NCOR2: variants seen among roughly 807,000 people sequenced by gnomAD.
NCOR2 encodes the protein nuclear receptor corepressor 2.
Under a neutral mutation model 262.9 loss-of-function variants are expected in NCOR2, and 81 were observed. The observed-to-expected ratio is 0.31, with a 90% CI of 0.26 to 0.37. The LOEUF is 0.37. Ranked by LOEUF, NCOR2 falls within the 10% of genes least tolerant of loss-of-function variation. The probability of loss-of-function intolerance (pLI) is 1.00; values close to 1 mark genes in which losing one functional copy is unlikely to be tolerated. For synonymous variants in NCOR2, 1,659 were observed against 1,559.3 expected (o/e 1.06, Z -1.51); for missense variants, 3,385 against 3,621.4 (o/e 0.93, Z 1.68).
chr12:124,496,602 C>T (rs992855978), upstream of NCOR2, among the ~76,000 whole-genome samples: 5 of 152,220 alleles, frequency 3.3e-5, no homozygotes, highest in South Asian at 2.1e-4. The surrounding 1 kb of genome is among the most constrained non-coding windows in gnomAD (Gnocchi z 4.4). Flanking sequence ...AGAGGGTAAC[C>T]GTCCTTCTCC....
chr12:124,406,210 G>A (rs954364599), intron 13 of NCOR2, among the ~76,000 whole-genome samples: 13 of 152,178 alleles, frequency 8.5e-5, no homozygotes, highest in Admixed American at 2.0e-4. Flanking sequence ...ATCAACAAAA[G>A]GGCACGGCTG....
intron 1 of NCOR2, among the ~76,000 whole-genome samples, chr12:124,543,231 C>T (rs544288604): frequency 2.6e-5 from 4 of 152,200 alleles, no homozygotes; most frequent in African/African-American, 7.2e-5. Flanking sequence ...GGAGCAACCC[C>T]GTGCCCTGCC....
At chr12:124,347,724 T>C in intron 30 of NCOR2, 101 bp downstream of exon 32, 1 of 1,195,072 alleles carries the variant, frequency 8.4e-7, no homozygotes, top group Non-Finnish European at 1.2e-6. Context: ...TGCATACTTG[T>C]CCTGAGTTCC....
intron 16 of NCOR2, among the ~76,000 whole-genome samples, chr12:124,397,430 C>T (rs969154081): frequency 1.3e-4 from 20 of 152,148 alleles, no homozygotes; most frequent in African/African-American, 3.6e-4. Flanking sequence ...AGAGGGGATC[C>T]GGCTTAGGAG....
chr12:124,385,616 G>C, intron 17 of NCOR2, 129 bp downstream of exon 19: 1 of 1,381,202 alleles, frequency 7.2e-7, no homozygotes, highest in Non-Finnish European at 9.8e-7. Flanking sequence ...CAGAAGCTGA[G>C]TTCTAACAAG....
At position 124,331,063 on chromosome 12, in the gene NCOR2, CT is replaced by C. The variant is rs747884076; in HGVS notation, c.6905-166del. 4.4e-3 allele frequency among the ~76,000 whole-genome samples: 602 copies of C among 135,630 alleles called. 1 individual carries two copies. Among genetic ancestry groups the C allele is most frequent in the Middle Eastern group, 7.9e-3 (2 of 254 alleles). 89.0% of individuals were successfully genotyped at this position (135,630 alleles called of 152,430 possible). ...GGGACAGGGCCAAGCGTCTGCATTT[CT>C]TTTTTTTTTTTTTTTTGAGATAGAG... is the stretch of plus-strand genomic sequence containing the variant. On this transcript the variant is annotated intron_variant, in intron 43 of 46. Coordinates refer to ENST00000405201, the Ensembl canonical transcript of NCOR2.
At chr12:124,346,274 A>G (rs1279182237) in intron 31 of NCOR2, among the ~76,000 whole-genome samples, 3 of 152,120 alleles carry the variant, frequency 2.0e-5, no homozygotes, top group Non-Finnish European at 4.4e-5. Context: ...ACTCGTCACT[A>G]TGTTTAGTCC....
Position 124,334,634 on chromosome 12 carries a change from G to T in NCOR2, c.6412-17C>A. ...GATGACCTCCTGCAGGCAAGTGGGGGGGCCCAGAGTCAGGCAGCACTCTCC... is the reference window on the plus strand; with the variant it reads ...GATGACCTCCTGCAGGCAAGTGGGGTGGCCCAGAGTCAGGCAGCACTCTCC... On this transcript the variant is annotated splice_polypyrimidine_tract_variant and intron_variant, in intron 40 of 46. Coordinates refer to ENST00000405201, the Ensembl canonical transcript of NCOR2. 1.5e-6 allele frequency: 2 copies of T among 1,361,228 alleles called. No individual in the cohort carries two copies. Among genetic ancestry groups the T allele is most frequent in the East Asian group, 2.8e-5 (1 of 36,114 alleles). 84.3% of individuals were successfully genotyped at this position (1,361,228 alleles called of 1,614,324 possible). A position where few individuals can be genotyped will look rare whatever the true frequency, so the allele number is the denominator to read the frequency against.
chr12:124,373,733 GC>G (rs2039740877), intron 19 of NCOR2, among the ~76,000 whole-genome samples: 5 of 54,594 alleles, frequency 9.2e-5, no homozygotes, highest in African/African-American at 2.8e-4. Context: ...GTGCGCAGGG[GC>G]CCCGGGCACA....
chr12:124,371,126 C>T (rs1441994102), intron 20 of NCOR2, among the ~76,000 whole-genome samples: 2 of 152,128 alleles, frequency 1.3e-5, no homozygotes, highest in African/African-American at 4.8e-5. Context: ...GGGAGAGGCT[C>T]GTAAAGGCCT....
intron 13 of NCOR2, among the ~76,000 whole-genome samples, chr12:124,411,434 C>T (rs1329592534): frequency 1.3e-5 from 2 of 152,192 alleles, no homozygotes; most frequent in Non-Finnish European, 2.9e-5. Flanking sequence ...TTCTTGGACC[C>T]AGGCCGGATG....
At chr12:124,407,824 T>C (rs2042358522) in intron 13 of NCOR2, among the ~76,000 whole-genome samples, 1 of 152,212 alleles carries the variant, frequency 6.6e-6, no homozygotes, top group Non-Finnish European at 1.5e-5. Flanking sequence ...AGAGGGCGCA[T>C]CCTCATGACA....
intron 1 of NCOR2, among the ~76,000 whole-genome samples, chr12:124,506,470 C>T (rs908355648): frequency 1.3e-5 from 2 of 152,052 alleles, no homozygotes; most frequent in African/African-American, 4.8e-5. Flanking sequence ...AAATCACTTC[C>T]TCCTCCCCTC....
rs750067662 is a variant in NCOR2 at position 124,438,009 on chromosome 12, G to A, written c.816-13C>T. The A allele has an allele frequency of 6.2e-6, 10 of 1,605,306 alleles. No homozygotes were observed. Among genetic ancestry groups the A allele is most frequent in the Non-Finnish European group, 6.0e-6 (7 of 1,175,464 alleles). ...CATCGCCTGGTTTCTGTGCAGGAGG[G>A]AAGCGGCAGACAGGTCAGCCCGGCC... On this transcript the variant is annotated splice_polypyrimidine_tract_variant and intron_variant, in intron 7 of 46. Coordinates refer to ENST00000405201, the Ensembl canonical transcript of NCOR2.
chr12:124,366,155 G>A (rs74975358), intron 20 of NCOR2, among the ~76,000 whole-genome samples: 5 of 152,076 alleles, frequency 3.3e-5, no homozygotes, highest in Non-Finnish European at 7.4e-5. Context: ...CTGCAGCACC[G>A]CCCAGCGCAC....
intron 4 of NCOR2, among the ~76,000 whole-genome samples, chr12:124,466,953 ATCATCC>A (rs1291531778): frequency 1.3e-5 from 2 of 151,408 alleles, no homozygotes; most frequent in Admixed American, 1.3e-4. Context: ...CATCAACCCC[ATCATCC>A]TCATCCTCAT....
At chr12:124,333,687 CT>C (rs1199802635) in intron 41 of NCOR2, among the ~76,000 whole-genome samples, 1 of 152,066 alleles carries the variant, frequency 6.6e-6, no homozygotes, top group Non-Finnish European at 1.5e-5. Context: ...AAAACGCCTC[CT>C]TCACCCTGGA....
At chr12:124,486,513 G>A (rs965643637) in exon 2 of NCOR2, 3 of 1,606,780 alleles carry the variant, frequency 1.9e-6, no homozygotes, top group Non-Finnish European at 2.5e-6. Flanking sequence ...GGAGCCGGGC[G>A]ACAGGTGGGA....
intron 15 of NCOR2, 58 bp from the exon 18 acceptor site, chr12:124,398,239 T>A (rs1329861245): frequency 1.3e-6 from 2 of 1,580,338 alleles, no homozygotes; most frequent in East Asian, 4.5e-5. Context: ...CTTTGCCTTC[T>A]GCCCTTTTCT....
Sources: gnomAD v4.1 joint callset for allele counts (sites outside exome capture counted in the v4.1 genomes callset) on GRCh38, gnomAD v4.1.1 for gene constraint, Gnocchi (gnomAD v3.1) non-coding constraint, MANE v1.5 for transcripts, NCBI Gene and HGNC (gene_info 2026-07-23, HGNC 2026-07-21) for gene names.